The following AFF4 variants were observed in gnomAD, a reference collection of about 807,000 sequenced individuals.
The protein encoded by AFF4 is ALF transcription elongation factor 4, also known as AF4/FMR2 family member 4.
A neutral mutation model predicts 124.8 loss-of-function variants in AFF4; 13 were observed. The observed-to-expected ratio is 0.10, with a 90% CI of 0.07 to 0.17. The LOEUF (loss-of-function observed/expected upper bound fraction) is 0.17, where lower values mean the gene tolerates loss of function less well. AFF4 is among the 10% of genes least tolerant of loss of function. The pLI is 1.00. For synonymous variants in AFF4, 477 were observed against 496.1 expected, an observed-to-expected ratio of 0.96 and a Z score of 0.51; for missense variants, 1,092 against 1,403.8, an observed-to-expected ratio of 0.78 and a Z score of 3.55.
At chr5:132,949,836 A>G (rs1212167043) in intron 1 of AFF4, among the ~76,000 whole-genome samples, 6 of 139,188 alleles carry the variant, frequency 4.3e-5, no homozygotes, top group Admixed American at 4.3e-4. Flanking sequence ...CACTAGAGCG[A>G]GACTCTGTCT....
At chr5:132,962,031 GGCCACTT>G (rs2150118075) in intron 1 of AFF4, among the ~76,000 whole-genome samples, 1 of 152,224 alleles carries the variant, frequency 6.6e-6, no homozygotes, top group East Asian at 1.9e-4. Flanking sequence ...AAAACCAAGT[GGCCACTT>G]GCCAACACTT....
chr5:132,945,679 G>A (rs1167692815), intron 1 of AFF4, among the ~76,000 whole-genome samples: 1 of 152,140 alleles, frequency 6.6e-6, no homozygotes, highest in African/African-American at 2.4e-5. Flanking sequence ...TTGAACCTGG[G>A]AGGTGGAGGT....
intron 1 of AFF4, among the ~76,000 whole-genome samples, chr5:132,962,600 A>G (rs1384151560): frequency 6.6e-6 from 1 of 152,164 alleles, no homozygotes; most frequent in Non-Finnish European, 1.5e-5. Context: ...GAAGGAACAA[A>G]GCACTGACGT....
At position 132,934,514 on chromosome 5, in the gene AFF4, G is replaced by A. The variant is rs1344743214; in HGVS notation, c.551C>T (p.Pro184Leu). ...SKSRSSSPGK[P>L]QAVSSLNSSH... Reference sequence around the variant, plus strand: ...AGAGTTTAATGAAGAAACAGCCTGGGGTTTTCCAGGGCTGGAAGAACGTGA... The same window carrying A: ...AGAGTTTAATGAAGAAACAGCCTGGAGTTTTCCAGGGCTGGAAGAACGTGA... The change falls in exon 3 of 21, where the codon CCC becomes CTC. Residue 184 changes from proline to leucine, a missense_variant. Transcript: ENST00000265343. 2 of 1,614,090 alleles carry A rather than the reference G, an allele frequency of 1.2e-6. No homozygotes were observed. The highest frequency in any genetic ancestry group is 1.1e-5 in the South Asian group (1 of 91,078).
chr5:132,900,334 AT>A (rs2150075519), intron 7 of AFF4, among the ~76,000 whole-genome samples: 1 of 152,338 alleles, frequency 6.6e-6, no homozygotes, highest in South Asian at 2.1e-4. Flanking sequence ...AGGTTGGCGG[AT>A]CACCTGAAGT....
At chr5:132,935,222 G>A (rs1334508841) in intron 2 of AFF4, among the ~76,000 whole-genome samples, 2 of 152,174 alleles carry the variant, frequency 1.3e-5, no homozygotes, top group Non-Finnish European at 2.9e-5. Context: ...GCTGAGGCAG[G>A]TTTGCTCAAT....
At chr5:132,943,083 T>C (rs1021692402) in intron 1 of AFF4, 3 of 185,478 alleles carry the variant, frequency 1.6e-5, no homozygotes, top group Non-Finnish European at 3.5e-5. Context: ...AAGACAAAGA[T>C]TTTTTAAAAA....
chr5:132,920,845 A>C (rs1761025466), intron 5 of AFF4, among the ~76,000 whole-genome samples: 1 of 152,124 alleles, frequency 6.6e-6, no homozygotes, highest in Non-Finnish European at 1.5e-5. Context: ...AGCCCATTTC[A>C]GGCCGGGCGC....
chr5:132,907,331 C>T (rs1036490522), intron 5 of AFF4, among the ~76,000 whole-genome samples: 2 of 152,156 alleles, frequency 1.3e-5, no homozygotes, highest in African/African-American at 4.8e-5. Context: ...CATAGAACTT[C>T]CCAATGACTC....
At chr5:132,920,462 T>TCC (rs760476956) in intron 5 of AFF4, among the ~76,000 whole-genome samples, 4 of 150,642 alleles carry the variant, frequency 2.7e-5, no homozygotes, top group Non-Finnish European at 4.4e-5. Context: ...GCTCAAATGA[T>TCC]CCCCCACCTC....
chr5:132,897,367 T>C (rs2150073464), intron 10 of AFF4, 127 bp from the exon 11 acceptor site: 2 of 983,802 alleles, frequency 2.0e-6, no homozygotes, highest in South Asian at 3.3e-5. Context: ...TGGTTCTCTA[T>C]GAACCAAAGC....
At chr5:132,929,577 G>A (rs1761254936) in intron 4 of AFF4, among the ~76,000 whole-genome samples, 1 of 151,512 alleles carries the variant, frequency 6.6e-6, no homozygotes, top group Admixed American at 6.6e-5. Flanking sequence ...GGGATTACAG[G>A]GAAAAAAAAT....
intron 1 of AFF4, chr5:132,948,485 C>T (rs1293295445): frequency 6.5e-6 from 1 of 152,726 alleles, no homozygotes; most frequent in East Asian, 1.9e-4. Flanking sequence ...CAGCAGCAAA[C>T]ACAGCGTTAT....
chr5:132,930,832 C>T (rs576500115), intron 4 of AFF4, among the ~76,000 whole-genome samples: 68 of 149,370 alleles, frequency 4.6e-4, no homozygotes, highest in Admixed American at 1.1e-3. Flanking sequence ...GTTGGCTGGG[C>T]GTGGTGGCTC....
At chr5:132,936,916 C>A in intron 2 of AFF4, 151 bp downstream of exon 2, 2 of 1,064,836 alleles carry the variant, frequency 1.9e-6, no homozygotes, top group Non-Finnish European at 2.6e-6. Context: ...AGTTTATCCC[C>A]AAAAAATATC....
rs747936348 is a variant in AFF4 at position 132,936,266 on chromosome 5, CAAAAAAAA to C, written c.123+793_123+800del. ...TGGGCGACAGAGCAAGACTCCGTCT[CAAAAAAAA>C]AAAAAAAAAAAAAAAAAAATTAACT... On this transcript the variant is annotated intron_variant, in intron 2 of 20. Transcript: ENST00000265343. 2.6e-4 allele frequency among the ~76,000 whole-genome samples: 12 copies of C among 45,462 alleles called. 1 individual carries two copies. In the Middle Eastern group the frequency reaches 0.053, roughly 199 times the overall value. The allele number at this position is 45,462 out of a possible 152,430, so 29.8% of individuals were successfully genotyped here. A position where few individuals can be genotyped will look rare whatever the true frequency, so the allele number is the denominator to read the frequency against.
intron 5 of AFF4, among the ~76,000 whole-genome samples, chr5:132,907,621 CAT>C (rs1329005215): frequency 6.6e-6 from 1 of 151,816 alleles, no homozygotes; most frequent in African/African-American, 2.4e-5. Context: ...TGCATGTGTG[CAT>C]ATGTGTGTGT....
At chr5:132,913,464 GA>G (rs112762100) in intron 5 of AFF4, among the ~76,000 whole-genome samples, 3,936 of 152,254 alleles carry the variant, frequency 0.026, 145 homozygotes, top group African/African-American at 0.089. Flanking sequence ...TTCTTTTTGA[GA>G]AAGGGTCTTT....
At chr5:132,908,512 T>C (rs967592814) in intron 5 of AFF4, among the ~76,000 whole-genome samples, 1 of 151,914 alleles carries the variant, frequency 6.6e-6, no homozygotes, top group Admixed American at 6.6e-5. Flanking sequence ...ATGTTCCTTG[T>C]TGTAAATCAT....
Sources: gnomAD v4.1 joint callset for allele counts (sites outside exome capture counted in the v4.1 genomes callset) on GRCh38, gnomAD v4.1.1 for gene constraint, MANE v1.5 for transcripts, NCBI Gene and HGNC (gene_info 2026-07-23, HGNC 2026-07-21) for gene names.